Variants in FER1L6 observed in about 807,000 individuals in gnomAD.
The protein encoded by FER1L6 is fer-1-like protein 6.
In FER1L6, 177 loss-of-function variants were observed where a neutral mutation model predicts 219.2. That is an observed-to-expected ratio of 0.81 (90% CI 0.71 to 0.91). FER1L6 has a LOEUF of 0.91. FER1L6 is among the 40% of genes least tolerant of loss of function. FER1L6 has a pLI of 0.00. For missense variants in FER1L6, 2,153 were observed against 2,259.9 expected, an observed-to-expected ratio of 0.95 and a Z score of 0.96; for synonymous variants, 768 against 824.3, an observed-to-expected ratio of 0.93 and a Z score of 1.17.
intron 16 of FER1L6, among the ~76,000 whole-genome samples, chr8:124,020,276 T>G (rs1818402601): frequency 6.6e-6 from 1 of 152,188 alleles, no homozygotes; most frequent in Non-Finnish European, 1.5e-5. Context: ...CCTCTTTCCT[T>G]TATAAATTAC....
intron 14 of FER1L6, among the ~76,000 whole-genome samples, chr8:124,011,937 G>A (rs1325573221): frequency 6.6e-6 from 1 of 152,196 alleles, no homozygotes; most frequent in Non-Finnish European, 1.5e-5. Context: ...GGAATTGAAT[G>A]TCTGAAAGTA....
rs1822953541 is a variant in FER1L6 at position 124,110,026 on chromosome 8, T to C, written c.5289+6717T>C. Among the ~76,000 whole-genome samples, 5 of 152,172 alleles carry C rather than the reference T, an allele frequency of 3.3e-5. No homozygotes were observed. The South Asian group carries it at 1.0e-3, about 32-fold the overall frequency. On this transcript the variant is annotated intron_variant, in intron 39 of 40. Transcript: ENST00000522917. Reference sequence around the variant, plus strand: ...AATGACTGCAGGCTTCCCTAATATATGTTCCCCTAACTAATCACATATGAC... The same window carrying C: ...AATGACTGCAGGCTTCCCTAATATACGTTCCCCTAACTAATCACATATGAC...
chr8:123,887,003 G>A (rs1436910341), intron 1 of FER1L6, among the ~76,000 whole-genome samples: 1 of 152,114 alleles, frequency 6.6e-6, no homozygotes, highest in Non-Finnish European at 1.5e-5. Context: ...ACAATGAGAT[G>A]CCAAGCCTCT....
intron 18 of FER1L6, among the ~76,000 whole-genome samples, chr8:124,027,679 C>T (rs1818771514): frequency 6.6e-6 from 1 of 152,190 alleles, no homozygotes; most frequent in South Asian, 2.1e-4. Context: ...CCCACCTTAG[C>T]CTCCTGAATA....
rs148680483 is a variant in FER1L6 at position 123,960,342 on chromosome 8, A to C, written c.77-2936A>C. ...TTCTCAGGCTTTGCTGTACACTAGG[A>C]TCATCTGGGGAATTTCAACAATCTC... On this transcript the variant is annotated intron_variant, in intron 2 of 40. Transcript: ENST00000522917. Among the ~76,000 whole-genome samples, 199 of 152,304 alleles carry C rather than the reference A, an allele frequency of 1.3e-3. 1 individual carries two copies. The highest frequency in any genetic ancestry group is 4.6e-3 in the African/African-American group (193 of 41,560).
chr8:124,055,951 G>GTC (rs1003855172), intron 22 of FER1L6, among the ~76,000 whole-genome samples: 9 of 151,786 alleles, frequency 5.9e-5, no homozygotes, highest in Middle Eastern at 3.2e-3. Context: ...GCTTCTTCAA[G>GTC]TCTCTCTCTC....
In FER1L6 at chr8:124,111,319, G is replaced by A. The variant is rs1056625691; in HGVS notation, c.5290-7525G>A. ...TGACTTCATCTTCATGCATACCAGT[G>A]GCCCATGGTCAGAGCCTTGGCTGAG... On this transcript the variant is annotated intron_variant, in intron 39 of 40. Coordinates refer to ENST00000522917, the MANE Select transcript of FER1L6 (RefSeq NM_001039112.2). This position sits in a 1 kb window ranked among gnomAD's most constrained non-coding sequence, Gnocchi z 5.0. Among the ~76,000 whole-genome samples the A allele has an allele frequency of 6.6e-6, 1 of 152,166 alleles. No homozygotes were observed. Among genetic ancestry groups the A allele is most frequent in the Admixed American group, 6.5e-5 (1 of 15,280 alleles).
At chr8:123,870,192 G>A (rs1045357084) in intron 1 of FER1L6, among the ~76,000 whole-genome samples, 3 of 152,194 alleles carry the variant, frequency 2.0e-5, no homozygotes, top group Non-Finnish European at 4.4e-5. Flanking sequence ...ATTCTCAAAT[G>A]TTGCTGATGA....
intron 1 of FER1L6, among the ~76,000 whole-genome samples, chr8:123,898,684 TATATGTAC>T (rs1236472291): frequency 6.8e-6 from 1 of 146,226 alleles, no homozygotes; most frequent in Non-Finnish European, 1.5e-5. Flanking sequence ...TATATATACA[TATATGTAC>T]ATATATGTGT....
intron 12 of FER1L6, among the ~76,000 whole-genome samples, chr8:124,002,499 G>A (rs149289655): frequency 1.1e-3 from 163 of 152,336 alleles, no homozygotes; most frequent in African/African-American, 3.5e-3. Flanking sequence ...TTCCAAAAGA[G>A]AGGAATGTTC....
chr8:123,975,394 A>G (rs1014427250), intron 8 of FER1L6, 88 bp downstream of exon 8: 2 of 1,249,364 alleles, frequency 1.6e-6, no homozygotes, highest in Non-Finnish European at 2.2e-6. Context: ...TCTTATGGGT[A>G]CATGAGAACC....
intron 32 of FER1L6, among the ~76,000 whole-genome samples, chr8:124,079,400 TTAGATTA>T (rs1316313386): frequency 6.6e-6 from 1 of 152,240 alleles, no homozygotes; most frequent in Non-Finnish European, 1.5e-5. Flanking sequence ...TAAAGCCTAC[TTAGATTA>T]TCAAGGAGAA....
intron 37 of FER1L6, among the ~76,000 whole-genome samples, chr8:124,100,249 A>G (rs1412661919): frequency 3.9e-5 from 6 of 152,178 alleles, no homozygotes; most frequent in African/African-American, 1.4e-4. Flanking sequence ...TTCACCATGG[A>G]CCAAGTAGTA....
intron 13 of FER1L6, among the ~76,000 whole-genome samples, chr8:124,008,329 T>C (rs1817761220): frequency 6.6e-6 from 1 of 152,212 alleles, no homozygotes; most frequent in Non-Finnish European, 1.5e-5. Flanking sequence ...CACACCACAG[T>C]TTCTTTATCC....
chr8:123,984,318 G>A (rs906172072), intron 11 of FER1L6: 7 of 152,330 alleles, frequency 4.6e-5, no homozygotes, highest in African/African-American at 1.7e-4. Context: ...TGAGATTTGA[G>A]GAAGGGTTTG....
At position 123,852,235 on chromosome 8, in the gene FER1L6, C is replaced by A. The variant is rs994190788; in HGVS notation, c.-8+50C>A. 5 of 152,220 alleles carry A rather than the reference C, an allele frequency of 3.3e-5. No homozygotes were observed. The highest frequency in any genetic ancestry group is 7.3e-5 in the Non-Finnish European group (5 of 68,092). 9.4% of individuals were successfully genotyped at this position (152,220 alleles called of 1,614,324 possible). A position where few individuals can be genotyped will look rare whatever the true frequency, so the allele number is the denominator to read the frequency against. ...ACAGAAGCATTGTGTGCAGGGAAGG[C>A]AAGTTCATATCCAGAGCAAATGTGT... On this transcript the variant is annotated intron_variant, in intron 1 of 40. Transcript: ENST00000522917. This position sits in a 1 kb window ranked among gnomAD's most constrained non-coding sequence, Gnocchi z 4.9.
chr8:123,917,693 A>G (rs1240470392), intron 1 of FER1L6, among the ~76,000 whole-genome samples: 1 of 152,232 alleles, frequency 6.6e-6, no homozygotes, highest in African/African-American at 2.4e-5. Flanking sequence ...ACTACCTCCC[A>G]GAGAGAAATA....
chr8:123,874,992 A>G (rs991923643), intron 1 of FER1L6, among the ~76,000 whole-genome samples: 3 of 152,046 alleles, frequency 2.0e-5, no homozygotes, highest in Admixed American at 2.0e-4. Context: ...GTCAAGAGAT[A>G]GAGACCATCC....
At chr8:123,923,887 C>T (rs1813456644) in intron 1 of FER1L6, among the ~76,000 whole-genome samples, 1 of 147,946 alleles carries the variant, frequency 6.8e-6, no homozygotes, top group Admixed American at 6.8e-5. Flanking sequence ...CTGCAGTGAG[C>T]CGAGATCACG....
Sources: gnomAD v4.1 joint callset for allele counts (sites outside exome capture counted in the v4.1 genomes callset) on GRCh38, gnomAD v4.1.1 for gene constraint, Gnocchi (gnomAD v3.1) non-coding constraint, MANE v1.5 for transcripts, NCBI Gene and HGNC (gene_info 2026-07-23, HGNC 2026-07-21) for gene names.